Variants in SYTL2 observed in about 807,000 individuals in gnomAD.
The protein encoded by SYTL2 is synaptotagmin-like protein 2.
SYTL2 carries 165 observed loss-of-function variants against 198.7 expected under a neutral mutation model. The observed-to-expected ratio is 0.83, with a 90% CI of 0.73 to 0.94. SYTL2 has a LOEUF of 0.94. Among genes scored for constraint, SYTL2 ranks in the 40% least tolerant of loss-of-function variants. SYTL2 has a pLI of 0.00. For missense variants in SYTL2, 2,835 were observed against 2,582.8 expected (o/e 1.10, Z -2.12); for synonymous variants, 966 against 917.7 (o/e 1.05, Z -0.95).
chr11:85,843,889 T>A, the SYTL2 span, among the ~76,000 whole-genome samples: 3 of 152,150 alleles, frequency 2.0e-5, no homozygotes, highest in African/African-American at 7.2e-5. Flanking sequence ...ACACAACTAG[T>A]AAGCAGCTTC....
intron 3 of SYTL2, among the ~76,000 whole-genome samples, chr11:85,747,014 C>G (rs1384253381): frequency 6.6e-6 from 1 of 152,218 alleles, no homozygotes; most frequent in African/African-American, 2.4e-5. Context: ...TATCCTATAT[C>G]ACATGCTCAA....
chr11:85,768,731 A>C (rs2092295519), intron 1 of SYTL2, among the ~76,000 whole-genome samples: 1 of 152,230 alleles, frequency 6.6e-6, no homozygotes, highest in African/African-American at 2.4e-5. Flanking sequence ...CCTGCTGCAG[A>C]GACCTTTGAG....
At chr11:85,763,034 A>G (rs1470564006) in intron 1 of SYTL2, among the ~76,000 whole-genome samples, 1 of 152,186 alleles carries the variant, frequency 6.6e-6, no homozygotes, top group African/African-American at 2.4e-5. Context: ...GGGCCCATAA[A>G]TGAAAAACTA....
chr11:85,788,617 C>G (rs1167427212), intron 1 of SYTL2, among the ~76,000 whole-genome samples: 1 of 152,080 alleles, frequency 6.6e-6, no homozygotes, highest in Non-Finnish European at 1.5e-5. Context: ...CTTAGTTCAT[C>G]CAGGTTTCTA....
chr11:85,710,657 C>T (rs1043626452), intron 13 of SYTL2, among the ~76,000 whole-genome samples: 3 of 152,142 alleles, frequency 2.0e-5, no homozygotes, highest in African/African-American at 7.2e-5. Context: ...TAAAATGCTG[C>T]TCAGATGCCT....
At chr11:85,715,071 T>A (rs1591671753) in intron 11 of SYTL2, 1 of 152,204 alleles carries the variant, frequency 6.6e-6, no homozygotes, top group African/African-American at 2.4e-5. Flanking sequence ...TTTGAAAATA[T>A]AAATTATTTA....
intron 2 of SYTL2, among the ~76,000 whole-genome samples, chr11:85,754,498 A>G (rs2091740693): frequency 6.6e-6 from 1 of 152,204 alleles, no homozygotes; most frequent in Non-Finnish European, 1.5e-5. Flanking sequence ...GAAGATTAAA[A>G]ATTATTTTTA....
At chr11:85,717,455 C>T (rs1420910066) in intron 11 of SYTL2, 28 bp downstream of exon 11, 1 of 1,596,896 alleles carries the variant, frequency 6.3e-7, no homozygotes. Context: ...AATGTTTAGT[C>T]ATTTGTGAGA....
At chr11:85,839,011 C>T in the SYTL2 span, among the ~76,000 whole-genome samples, 1 of 152,164 alleles carries the variant, frequency 6.6e-6, no homozygotes, top group Non-Finnish European at 1.5e-5. Context: ...AATACTAAGA[C>T]TATAGATGCC....
At chr11:85,790,452 T>C (rs1445513) in intron 1 of SYTL2, among the ~76,000 whole-genome samples, 35,260 of 152,130 alleles carry the variant, frequency 0.23, 4,493 homozygotes, top group South Asian at 0.35. Flanking sequence ...ATATAAAGCA[T>C]AACTATAAAA....
chr11:85,699,313 C>A (rs1282683332), intron 17 of SYTL2, among the ~76,000 whole-genome samples: 2 of 152,076 alleles, frequency 1.3e-5, no homozygotes, highest in African/African-American at 4.8e-5. Context: ...GAAGCCATTT[C>A]AAAGAAGAAA....
intron 1 of SYTL2, among the ~76,000 whole-genome samples, chr11:85,773,777 G>C (rs1163380711): frequency 6.6e-6 from 1 of 152,134 alleles, no homozygotes; most frequent in Non-Finnish European, 1.5e-5. Context: ...AAAAAAGAAA[G>C]TAAACTGTCT....
upstream of SYTL2, among the ~76,000 whole-genome samples, chr11:85,812,813 AG>A (rs1423376072): frequency 7.4e-6 from 1 of 134,912 alleles, no homozygotes; most frequent in Non-Finnish European, 1.5e-5. Flanking sequence ...TGCCTTGCTG[AG>A]GGAAGCAGGC....
At chr11:85,715,511 A>G (rs1336812006) in intron 11 of SYTL2, among the ~76,000 whole-genome samples, 2 of 152,164 alleles carry the variant, frequency 1.3e-5, no homozygotes, top group Non-Finnish European at 2.9e-5. Context: ...TAAAAATCAA[A>G]TTATATTTAT....
chr11:85,790,035 G>A (rs965629939), intron 1 of SYTL2, among the ~76,000 whole-genome samples: 3 of 151,822 alleles, frequency 2.0e-5, no homozygotes, highest in Non-Finnish European at 2.9e-5. Context: ...GATATCTTGG[G>A]GATGAGACCC....
At chr11:85,822,112 A>G in the SYTL2 span, among the ~76,000 whole-genome samples, 1 of 152,200 alleles carries the variant, frequency 6.6e-6, no homozygotes, top group Admixed American at 6.5e-5. Context: ...TACCACTCCC[A>G]TTTTACAAGT....
At chr11:85,758,229 ACCAG>A (rs2091969882) in intron 1 of SYTL2, 115 bp from the exon 2 acceptor site, 1 of 152,764 alleles carries the variant, frequency 6.5e-6, no homozygotes, top group Admixed American at 6.5e-5. Flanking sequence ...GATCAAGGAA[ACCAG>A]TTCAGCCAGC....
rs186999735 is a variant in SYTL2, at chr11:85,704,380, G to A, written c.6189+478C>T. Among the ~76,000 whole-genome samples the A allele has an allele frequency of 5.7e-4, 87 of 152,080 alleles. 1 individual carries two copies. Among genetic ancestry groups the A allele is most frequent in the Middle Eastern group, 3.4e-3 (1 of 290 alleles). On this transcript the variant is annotated intron_variant, in intron 16 of 19. Coordinates refer to ENST00000359152, the MANE Select transcript of SYTL2 (RefSeq NM_206927.4). ...ATGTAATAAGACAATCTCAAATATA[G>A]TGAATCAAAAATAATAAAACTAAAA...
chr11:85,734,781 G>C (rs765087950), intron 6 of SYTL2, 39 bp from the exon 7 acceptor site: 2 of 1,401,758 alleles, frequency 1.4e-6, no homozygotes, highest in Admixed American at 4.2e-5. Flanking sequence ...ATCATATAGA[G>C]AGTAATATAT....
Sources: allele counts gnomAD v4.1 joint callset (sites outside exome capture counted in the v4.1 genomes callset), GRCh38; gene constraint gnomAD v4.1.1; transcripts MANE v1.5; gene names NCBI Gene and HGNC (gene_info 2026-07-23, HGNC 2026-07-21).